C8B: variants seen among roughly 807,000 people sequenced by gnomAD.
C8B encodes the protein complement C8 beta chain.
Under a neutral mutation model 64.6 loss-of-function variants are expected in C8B, and 67 were observed. That is an observed-to-expected ratio of 1.04 (90% CI 0.85 to 1.27). C8B has a LOEUF of 1.27. C8B is among the 50% of genes most tolerant of loss of function. The probability of loss-of-function intolerance (pLI) is 0.00; values close to 1 mark genes in which losing one functional copy is unlikely to be tolerated. For synonymous variants in C8B, 284 were observed against 257.7 expected, an observed-to-expected ratio of 1.10 and a Z score of -0.98; for missense variants, 790 against 725.2, an observed-to-expected ratio of 1.09 and a Z score of -1.03.
intron 4 of C8B, among the ~76,000 whole-genome samples, chr1:56,954,254 T>C (rs1335357722): frequency 6.6e-6 from 1 of 152,184 alleles, no homozygotes; most frequent in Non-Finnish European, 1.5e-5. Flanking sequence ...TAGAGACCTC[T>C]CTTCTTGGAG....
At chr1:56,957,063 C>T (rs548731487) in intron 2 of C8B, among the ~76,000 whole-genome samples, 153 bp from the exon 3 acceptor site, 1 of 152,234 alleles carries the variant, frequency 6.6e-6, no homozygotes, top group African/African-American at 2.4e-5. Context: ...TTGTGCTCCC[C>T]CCATTATATA....
intron 4 of C8B, among the ~76,000 whole-genome samples, chr1:56,952,456 C>T (rs1645036890): frequency 6.6e-6 from 1 of 152,170 alleles, no homozygotes; most frequent in African/African-American, 2.4e-5. Context: ...TGCCCTTCCA[C>T]CCAGTCACTG....
At chr1:56,936,162 C>T (rs976496860) in intron 9 of C8B, among the ~76,000 whole-genome samples, 9 of 152,180 alleles carry the variant, frequency 5.9e-5, no homozygotes, top group South Asian at 2.1e-4. Context: ...TTCTTTAGTA[C>T]ATTCTTGCAT....
At position 56,954,923 on chromosome 1, in the gene C8B, G is replaced by C. The variant is rs1351129541; in HGVS notation, c.392-96C>G. On this transcript the variant is annotated intron_variant, in intron 3 of 11. Transcript: ENST00000371237. The stretch of plus-strand genomic sequence containing the variant: ...CTACCAAGTGCCAGACCTTTTGTCA[G>C]GCCTTGCATGCTGCCCTGTTTTAAT... 5.0e-6 allele frequency: 7 copies of C among 1,410,062 alleles called. No individual in the cohort carries two copies. In the Admixed American group the frequency reaches 6.8e-5, roughly 14 times the overall value. 87.3% of individuals were successfully genotyped at this position (1,410,062 alleles called of 1,614,324 possible).
chr1:56,937,475 T>C (rs1644791540), intron 9 of C8B, among the ~76,000 whole-genome samples: 1 of 152,168 alleles, frequency 6.6e-6, no homozygotes, highest in Non-Finnish European at 1.5e-5. Context: ...GCACCATTCA[T>C]TACTGTATTT....
At chr1:56,931,705 T>A (rs1644703525) in intron 11 of C8B, 105 bp downstream of exon 11, 1 of 740,908 alleles carries the variant, frequency 1.3e-6, no homozygotes, top group Non-Finnish European at 2.4e-6. Context: ...AGGATGGATC[T>A]CAGGTTTCCT....
chr1:56,960,468 CAT>C (rs1245964536), intron 1 of C8B, among the ~76,000 whole-genome samples: 3 of 152,096 alleles, frequency 2.0e-5, no homozygotes, highest in Admixed American at 6.5e-5. Flanking sequence ...GCTAGAGAAA[CAT>C]ATCTGTGAGA....
At chr1:56,965,756 C>G in intron 1 of C8B, 101 bp downstream of exon 1, 1 of 1,290,948 alleles carries the variant, frequency 7.7e-7, no homozygotes, top group East Asian at 2.3e-5. Context: ...AAGAGACGTT[C>G]CTCATTCAAT....
At chr1:56,962,662 T>A (rs1645194825) in intron 1 of C8B, among the ~76,000 whole-genome samples, 1 of 152,234 alleles carries the variant, frequency 6.6e-6, no homozygotes, top group Non-Finnish European at 1.5e-5. Context: ...TTGTTCACAC[T>A]TTGGTACACT....
Position 56,960,624 on chromosome 1 carries a change from G to C in C8B, c.93-448C>G, listed in dbSNP as rs565095816. On this transcript the variant is annotated intron_variant, in intron 1 of 11. Transcript: ENST00000371237. ...GGAAACAAGGAAGAGGCTGGCAGCA[G>C]CAGTCCCACTGAGTGGTATAAGCCT... 2.2e-3 allele frequency among the ~76,000 whole-genome samples: 334 copies of C among 152,332 alleles called. 2 individuals carry two copies. Among genetic ancestry groups the C allele is most frequent in the Non-Finnish European group, 3.4e-3 (229 of 68,042 alleles).
chr1:56,959,125 A>T lies in C8B; in HGVS notation c.249+895T>A, dbSNP rs1337981626. 3.3e-5 allele frequency among the ~76,000 whole-genome samples: 5 copies of T among 152,340 alleles called. No homozygotes were observed. In the East Asian group the frequency reaches 7.7e-4, roughly 24 times the overall value. On this transcript the variant is annotated intron_variant, in intron 2 of 11. Coordinates refer to ENST00000371237, the MANE Select transcript of C8B (RefSeq NM_000066.4). The stretch of plus-strand genomic sequence containing the variant: ...ACTAGGTGAACTCAAGAAGCCATTT[A>T]TCTGCTCTGATTTCCTGTTTATCTG...
intron 8 of C8B, among the ~76,000 whole-genome samples, chr1:56,941,581 A>G (rs942571206): frequency 3.9e-5 from 6 of 152,192 alleles, no homozygotes; most frequent in Admixed American, 3.3e-4. Flanking sequence ...AGACAGGTAG[A>G]TGGATAGATA....
chr1:56,957,003 T>C, intron 2 of C8B, 93 bp from the exon 3 acceptor site: 2 of 1,435,240 alleles, frequency 1.4e-6, no homozygotes, highest in African/African-American at 2.8e-5. Flanking sequence ...GAGCCAGGAT[T>C]TGGGCTTCAC....
At chr1:56,943,674 G>A in intron 8 of C8B, 22 bp downstream of exon 8, 3 of 1,613,784 alleles carry the variant, frequency 1.9e-6, no homozygotes, top group Admixed American at 3.3e-5. Flanking sequence ...AAGTGTGGAA[G>A]TCACAAGCCC....
In C8B at chr1:56,957,982, G is replaced by A. The variant is rs1484800254; in HGVS notation, c.250-1072C>T. On this transcript the variant is annotated intron_variant, in intron 2 of 11. Coordinates refer to ENST00000371237, the MANE Select transcript of C8B (RefSeq NM_000066.4). ...ACTGACGAGAGTGGGGCTCAGAAGA[G>A]TGATATGGGTGGAGGAAATTCCTGT... Among the ~76,000 whole-genome samples the A allele has an allele frequency of 2.0e-5, 3 of 152,194 alleles. No homozygotes were observed. In the East Asian group the frequency reaches 5.8e-4, roughly 29 times the overall value.
intron 9 of C8B, among the ~76,000 whole-genome samples, chr1:56,934,445 A>T (rs1644747489): frequency 1.3e-5 from 2 of 152,194 alleles, no homozygotes; most frequent in African/African-American, 4.8e-5. Context: ...TGTGGGTTAG[A>T]AAAACCAGAG....
At chr1:56,935,856 G>A (rs1181496958) in intron 9 of C8B, among the ~76,000 whole-genome samples, 2 of 152,180 alleles carry the variant, frequency 1.3e-5, no homozygotes, top group Admixed American at 6.5e-5. Flanking sequence ...CCTATCCAAG[G>A]GATGAATAGG....
At chr1:56,949,498 C>T in intron 6 of C8B, 57 bp downstream of exon 6, 4 of 1,423,268 alleles carry the variant, frequency 2.8e-6, no homozygotes, top group Non-Finnish European at 2.0e-6. Flanking sequence ...TTTGTTACAG[C>T]AGCAGAAAAT....
intron 6 of C8B, among the ~76,000 whole-genome samples, chr1:56,947,475 A>G (rs760256616): frequency 6.6e-6 from 1 of 152,166 alleles, no homozygotes; most frequent in African/African-American, 2.4e-5. Context: ...TCTGCCCGAC[A>G]TATACCTACT....
Sources: allele counts gnomAD v4.1 joint callset (sites outside exome capture counted in the v4.1 genomes callset), GRCh38; gene constraint gnomAD v4.1.1; transcripts MANE v1.5; gene names NCBI Gene and HGNC (gene_info 2026-07-23, HGNC 2026-07-21).